COMMD7: variants seen among roughly 807,000 people sequenced by gnomAD.
COMMD7 encodes COMM domain-containing protein 7.
COMMD7 carries 28 observed loss-of-function variants against 34.8 expected under a neutral mutation model. The ratio of observed to expected loss-of-function variants is 0.80; its 90% confidence interval spans 0.60 to 1.10. COMMD7 has a LOEUF of 1.10. Among genes scored for constraint, COMMD7 ranks in the 50% least tolerant of loss-of-function variants. The probability of loss-of-function intolerance (pLI) is 0.00; values close to 1 mark genes in which losing one functional copy is unlikely to be tolerated. For synonymous variants in COMMD7, 80 were observed against 86.4 expected (o/e 0.93, Z 0.41); for missense variants, 211 against 241.6 (o/e 0.87, Z 0.84).
intron 1 of COMMD7, among the ~76,000 whole-genome samples, chr20:32,735,823 A>C (rs983830375): frequency 6.6e-6 from 1 of 151,982 alleles, no homozygotes; most frequent in Non-Finnish European, 1.5e-5. Context: ...TTTCACTTTG[A>C]TATCTTTGTA....
chr20:32,708,526 G>A (rs1012478263), intron 3 of COMMD7, among the ~76,000 whole-genome samples: 1 of 152,166 alleles, frequency 6.6e-6, no homozygotes, highest in African/African-American at 2.4e-5. Context: ...AAGGCCCTCT[G>A]AGAAGGTGGC....
At chr20:32,738,432 C>A (rs1186028158) in intron 1 of COMMD7, among the ~76,000 whole-genome samples, 4 of 152,066 alleles carry the variant, frequency 2.6e-5, no homozygotes, top group Non-Finnish European at 5.9e-5. Context: ...ATTAAGAATA[C>A]AAACATGAGC....
chr20:32,733,456 C>T (rs1330989782), intron 1 of COMMD7, among the ~76,000 whole-genome samples: 2 of 151,810 alleles, frequency 1.3e-5, no homozygotes, highest in Admixed American at 6.6e-5. Context: ...CGGTGGCTCA[C>T]GCCTGTAATC....
At chr20:32,711,981 G>A (rs962325742) in intron 3 of COMMD7, among the ~76,000 whole-genome samples, 5 of 148,348 alleles carry the variant, frequency 3.4e-5, no homozygotes. Flanking sequence ...TCAAGAGATC[G>A]AGACTGAGGG....
At chr20:32,717,387 G>A (rs191192405) in intron 3 of COMMD7, among the ~76,000 whole-genome samples, 142 of 148,692 alleles carry the variant, frequency 9.5e-4, no homozygotes, top group African/African-American at 3.3e-3. Flanking sequence ...GTGCAGTGGT[G>A]TAATCCCAGC....
intron 7 of COMMD7, 112 bp downstream of exon 7, chr20:32,704,328 T>C: frequency 9.7e-7 from 1 of 1,031,924 alleles, no homozygotes; most frequent in Non-Finnish European, 1.4e-6. Context: ...CTCTGAGATA[T>C]ATAAGGTACT....
At chr20:32,704,562 G>A in intron 6 of COMMD7, 73 bp from the exon 7 acceptor site, 1 of 1,518,260 alleles carries the variant, frequency 6.6e-7, no homozygotes, top group Non-Finnish European at 8.9e-7. Context: ...TGACCCTGAA[G>A]ACCCCAGTTT....
At chr20:32,712,717 G>C (rs982098205) in intron 3 of COMMD7, among the ~76,000 whole-genome samples, 4 of 138,648 alleles carry the variant, frequency 2.9e-5, no homozygotes, top group Non-Finnish European at 6.2e-5. Flanking sequence ...AGATAACTTT[G>C]AGATGGTCCC....
intron 1 of COMMD7, among the ~76,000 whole-genome samples, chr20:32,735,542 G>A (rs779804069): frequency 3.9e-5 from 6 of 152,136 alleles, no homozygotes; most frequent in Non-Finnish European, 8.8e-5. Flanking sequence ...GTCTTAGACT[G>A]CTGGCCTGAA....
chr20:32,713,911 C>G (rs1349387936), intron 3 of COMMD7, among the ~76,000 whole-genome samples: 1 of 152,100 alleles, frequency 6.6e-6, no homozygotes, highest in African/African-American at 2.4e-5. Context: ...GTCAGGAGTT[C>G]AAGACCAGCC....
intron 5 of COMMD7, among the ~76,000 whole-genome samples, chr20:32,705,619 C>T (rs1358195144): frequency 3.3e-5 from 5 of 152,018 alleles, no homozygotes; most frequent in African/African-American, 9.7e-5. Flanking sequence ...GTGATCCGCC[C>T]GCCTTGGCCT....
intron 1 of COMMD7, among the ~76,000 whole-genome samples, chr20:32,732,423 G>C (rs530348790): frequency 6.6e-6 from 1 of 152,028 alleles, no homozygotes; most frequent in Non-Finnish European, 1.5e-5. Flanking sequence ...TATACCCCTC[G>C]ACCTAGTAAT....
In COMMD7 at chr20:32,703,075, G is replaced by A. The variant is rs1464555744; in HGVS notation, c.*307C>T. 2 of 266,910 alleles carry A rather than the reference G, an allele frequency of 7.5e-6. No individual in the cohort carries two copies. Among genetic ancestry groups the A allele is most frequent in the Non-Finnish European group, 7.0e-6 (1 of 141,888 alleles). The allele number at this position is 266,910 out of a possible 1,614,324, so 16.5% of individuals were successfully genotyped here. A position where few individuals can be genotyped will look rare whatever the true frequency, so the allele number is the denominator to read the frequency against. On this transcript the variant is annotated 3_prime_UTR_variant, in exon 9 of 9. Transcript: ENST00000278980. ...CATTTGTTTACTCTGGAACTTTGAA[G>A]GGGAGGTGACAACTTATTTTCTCCC...
chr20:32,725,889 A>G (rs1295864375), intron 3 of COMMD7, among the ~76,000 whole-genome samples: 1 of 150,932 alleles, frequency 6.6e-6, no homozygotes, highest in African/African-American at 2.4e-5. Flanking sequence ...CATCTCTACA[A>G]ATAATAATAA....
intron 1 of COMMD7, 126 bp from the exon 2 acceptor site, chr20:32,728,268 T>C: frequency 1.2e-6 from 1 of 811,354 alleles, no homozygotes; most frequent in Non-Finnish European, 2.1e-6. Context: ...CCTGTTCTGA[T>C]CATCCTATAG....
At chr20:32,716,119 G>A (rs1200677292) in intron 3 of COMMD7, among the ~76,000 whole-genome samples, 2 of 152,154 alleles carry the variant, frequency 1.3e-5, no homozygotes, top group Non-Finnish European at 2.9e-5. Context: ...GTGCTGGACT[G>A]GAGTCCTATC....
chr20:32,729,472 G>A (rs939791926), intron 1 of COMMD7, among the ~76,000 whole-genome samples: 2 of 151,804 alleles, frequency 1.3e-5, no homozygotes, highest in Non-Finnish European at 2.9e-5. Flanking sequence ...CCAGCCTAGG[G>A]CTGGGGCCCT....
intron 3 of COMMD7, 124 bp downstream of exon 3, chr20:32,727,769 C>T (rs930792480): frequency 1.3e-6 from 1 of 750,140 alleles, no homozygotes; most frequent in Non-Finnish European, 2.3e-6. Context: ...CAGAGTCCCA[C>T]CCACGTCTGG....
intron 1 of COMMD7, among the ~76,000 whole-genome samples, chr20:32,741,241 A>T (rs992487080): frequency 1.3e-5 from 2 of 151,824 alleles, no homozygotes; most frequent in Non-Finnish European, 2.9e-5. Flanking sequence ...GGGTCTCACT[A>T]TGCTGCCCAG....
Sources: gnomAD v4.1 joint callset for allele counts (sites outside exome capture counted in the v4.1 genomes callset) on GRCh38, gnomAD v4.1.1 for gene constraint, MANE v1.5 for transcripts, NCBI Gene and HGNC (gene_info 2026-07-23, HGNC 2026-07-21) for gene names.